Variants in CWF19L2 observed in about 807,000 individuals in gnomAD.
CWF19L2 encodes the protein CWF19-like protein 2.
Under a neutral mutation model 111.7 loss-of-function variants are expected in CWF19L2, and 98 were observed. The ratio of observed to expected loss-of-function variants is 0.88; its 90% CI spans 0.75 to 1.04. The LOEUF is 1.04. Among genes scored for constraint, CWF19L2 ranks in the 50% least tolerant of loss-of-function variants. The pLI is 0.00. For missense variants in CWF19L2, 1,101 were observed against 1,051.4 expected, an observed-to-expected ratio of 1.05 and a Z score of -0.65; for synonymous variants, 351 against 342.9, an observed-to-expected ratio of 1.02 and a Z score of -0.26.
At chr11:107,434,672 CAAAA>C (rs71044301) in intron 6 of CWF19L2, among the ~76,000 whole-genome samples, 1 of 115,816 alleles carries the variant, frequency 8.6e-6, no homozygotes, top group African/African-American at 3.1e-5. Flanking sequence ...TATTACACAG[CAAAA>C]AAAAAAAAAA....
Position 107,369,976 on chromosome 11 carries a change from G to A in CWF19L2, c.1873-16240C>T, listed in dbSNP as rs1038434485. ...CAGGCTGGAGTGCAGTGTTGGGATT[G>A]TAATATTAGCTTTTTGACATGGTTA... is the stretch of plus-strand genomic sequence containing the variant. On this transcript the variant is annotated intron_variant, in intron 12 of 17. Coordinates refer to ENST00000282251, the MANE Select transcript of CWF19L2 (RefSeq NM_152434.3). Among the ~76,000 whole-genome samples the A allele has an allele frequency of 1.1e-3, 149 of 137,688 alleles. 33 individuals carry two copies. The highest frequency in any genetic ancestry group is 3.1e-4 in the Non-Finnish European group (20 of 64,120). The allele number at this position is 137,688 out of a possible 152,430, so 90.3% of individuals were successfully genotyped here.
intron 3 of CWF19L2, among the ~76,000 whole-genome samples, chr11:107,447,921 A>C (rs911119788): frequency 2.0e-5 from 3 of 152,202 alleles, no homozygotes; most frequent in Admixed American, 6.5e-5. Context: ...GAAAATGTAA[A>C]GATAATGAGG....
At chr11:107,327,184 T>G in intron 17 of CWF19L2, 131 bp from the exon 18 acceptor site, 1 of 911,334 alleles carries the variant, frequency 1.1e-6, no homozygotes, top group East Asian at 2.8e-5. Flanking sequence ...GCATAAATAC[T>G]AGTTGAAGTT....
At chr11:107,343,809 G>C (rs954858049) in intron 14 of CWF19L2, among the ~76,000 whole-genome samples, 3 of 151,870 alleles carry the variant, frequency 2.0e-5, no homozygotes, top group African/African-American at 7.3e-5. Context: ...AGTCTACTGG[G>C]GCCATTTTAC....
At position 107,339,665 on chromosome 11, in the gene CWF19L2, C is replaced by CTT. The variant is rs34093897; in HGVS notation, c.2203-2954_2203-2953dup. ...AAATGTTTCATGATGTTGTTTATCC[C>CTT]TTTTTTTTTTTTTTTTTTGAGATGG... is the stretch of plus-strand genomic sequence containing the variant. On this transcript the variant is annotated intron_variant, in intron 14 of 17. Transcript: ENST00000282251. Among the ~76,000 whole-genome samples the CTT allele has an allele frequency of 3.1e-3, 402 of 129,950 alleles. 5 individuals carry two copies. The highest frequency in any genetic ancestry group is 0.015 in the South Asian group (62 of 4,020). The allele number at this position is 129,950 out of a possible 152,430, so 85.3% of individuals were successfully genotyped here.
Position 107,334,862 on chromosome 11 carries a change from C to A in CWF19L2, c.2439+19G>T. On this transcript the variant is annotated intron_variant, in intron 16 of 17. Transcript: ENST00000282251. ...TGAGCACTAGGGTAATTTCTTTTACCAGGAAAAAACATACTTACAGACTTT... is the reference window on the plus strand; with the variant it reads ...TGAGCACTAGGGTAATTTCTTTTACAAGGAAAAAACATACTTACAGACTTT... 6.8e-7 allele frequency: 1 copy of A among 1,465,178 alleles called. No homozygotes were observed. Among genetic ancestry groups the A allele is most frequent in the Non-Finnish European group, 9.5e-7 (1 of 1,048,272 alleles). The allele number at this position is 1,465,178 out of a possible 1,614,324, so 90.8% of individuals were successfully genotyped here. A position where few individuals can be genotyped will look rare whatever the true frequency, so the allele number is the denominator to read the frequency against.
chr11:107,344,920 G>A (rs117756731), intron 14 of CWF19L2, among the ~76,000 whole-genome samples: 7 of 152,158 alleles, frequency 4.6e-5, no homozygotes, highest in Non-Finnish European at 7.4e-5. Flanking sequence ...TTCCCAACTC[G>A]GCCTCTGTTG....
intron 12 of CWF19L2, among the ~76,000 whole-genome samples, chr11:107,357,080 A>C (rs1188993718): frequency 9.8e-6 from 1 of 101,726 alleles, no homozygotes; most frequent in Non-Finnish European, 2.2e-5. Flanking sequence ...AAAACAAAAA[A>C]CCGAGACTAA....
intron 3 of CWF19L2, 62 bp downstream of exon 3, chr11:107,454,388 G>C (rs1380335119): frequency 4.1e-6 from 5 of 1,212,964 alleles, no homozygotes; most frequent in Non-Finnish European, 5.3e-6. Context: ...CTTCCCATAA[G>C]TTACACATTC....
At chr11:107,343,649 T>C (rs1416989290) in intron 14 of CWF19L2, among the ~76,000 whole-genome samples, 3 of 152,160 alleles carry the variant, frequency 2.0e-5, no homozygotes, top group African/African-American at 7.2e-5. Context: ...TCTGGTTCCT[T>C]TCTCTTGCCT....
intron 12 of CWF19L2, among the ~76,000 whole-genome samples, chr11:107,360,838 T>C (rs934951242): frequency 1.3e-5 from 2 of 152,204 alleles, no homozygotes; most frequent in Admixed American, 6.5e-5. Flanking sequence ...GGACTATTTG[T>C]TGTTGTTGCT....
intron 12 of CWF19L2, among the ~76,000 whole-genome samples, chr11:107,354,171 T>C (rs575853010): frequency 1.2e-4 from 18 of 152,182 alleles, no homozygotes; most frequent in African/African-American, 2.9e-4. Context: ...TATGGACAGA[T>C]TGATGCTTTC....
intron 12 of CWF19L2, among the ~76,000 whole-genome samples, chr11:107,387,102 T>C (rs1465240768): frequency 6.6e-6 from 1 of 150,814 alleles, no homozygotes; most frequent in Non-Finnish European, 1.5e-5. Context: ...AGAACCAGCA[T>C]CTACCCAGAA....
At chr11:107,387,061 A>T (rs1178069410) in intron 12 of CWF19L2, among the ~76,000 whole-genome samples, 3 of 152,168 alleles carry the variant, frequency 2.0e-5, no homozygotes, top group Admixed American at 1.3e-4. Context: ...TCAAAAAAAA[A>T]AAAAGGCTAA....
At chr11:107,456,886 T>G (rs974013059) in intron 1 of CWF19L2, among the ~76,000 whole-genome samples, 6 of 152,212 alleles carry the variant, frequency 3.9e-5, no homozygotes, top group Non-Finnish European at 7.3e-5. Context: ...CTCAAATTAT[T>G]TGCCAAATTT....
At chr11:107,336,384 T>TG (rs1200617972) in intron 15 of CWF19L2, among the ~76,000 whole-genome samples, 174 bp downstream of exon 15, 1 of 152,136 alleles carries the variant, frequency 6.6e-6, no homozygotes, top group African/African-American at 2.4e-5. Flanking sequence ...TGACCTCAGG[T>TG]GATCTCCCCA....
At position 107,329,960 on chromosome 11, in the gene CWF19L2, A is replaced by G. The variant is rs1859818837; in HGVS notation, c.2499T>C (p.His833=). ...GGAATTTGTGCTGATCTTCAATGAC[A>G]TGGGCAAACCCTCCGTGAAGGCCAA... ...VDFGLHGGFA[H]VIEDQHKFPH... Residue 833 remains histidine (H), a synonymous_variant, in exon 17 of 18, where the codon CAT becomes CAC. Coordinates refer to ENST00000282251, the MANE Select transcript of CWF19L2 (RefSeq NM_152434.3). The G allele has an allele frequency of 6.3e-7, 1 of 1,593,462 alleles. No homozygotes were observed. The highest frequency in any genetic ancestry group is 2.3e-5 in the East Asian group (1 of 44,230).
chr11:107,326,764 T>C lies in CWF19L2; in HGVS notation c.*146A>G. ...AGGTGAAGAAGAAAACAACACAATC[T>C]CCTGATGTACAGTTGTCACTGACCC... is the stretch of plus-strand genomic sequence containing the variant. On this transcript the variant is annotated 3_prime_UTR_variant, in exon 18 of 18. Transcript: ENST00000282251. 1 of 543,926 alleles carries C rather than the reference T, an allele frequency of 1.8e-6. No homozygotes were observed. The highest frequency in any genetic ancestry group is 3.1e-6 in the Non-Finnish European group (1 of 320,312). 33.7% of individuals were successfully genotyped at this position (543,926 alleles called of 1,614,324 possible). A position where few individuals can be genotyped will look rare whatever the true frequency, so the allele number is the denominator to read the frequency against.
chr11:107,454,351 TA>T (rs1190048693), intron 3 of CWF19L2, 98 bp downstream of exon 3: 7 of 946,774 alleles, frequency 7.4e-6, no homozygotes, highest in African/African-American at 1.7e-5. Flanking sequence ...ACTAGTAATA[TA>T]TTTTTTACGT....
Sources: allele counts gnomAD v4.1 joint callset (sites outside exome capture counted in the v4.1 genomes callset), GRCh38; gene constraint gnomAD v4.1.1; transcripts MANE v1.5; gene names NCBI Gene and HGNC (gene_info 2026-07-23, HGNC 2026-07-21).